The following CDYL2 variants were observed in gnomAD, a reference collection of about 807,000 sequenced individuals.
CDYL2 encodes chromodomain Y like 2.
A neutral mutation model predicts 49.4 loss-of-function variants in CDYL2; 23 were observed. That is an observed-to-expected ratio of 0.47 (90% confidence interval 0.34 to 0.66). The LOEUF (loss-of-function observed/expected upper bound fraction) is 0.66, where lower values mean the gene tolerates loss of function less well. CDYL2 is among the 30% of genes least tolerant of loss of function. The pLI is 0.01. For synonymous variants in CDYL2, 360 were observed against 268.8 expected (o/e 1.34, Z -3.32); for missense variants, 678 against 656.4 (o/e 1.03, Z -0.36).
chr16:80,765,587 G>A (rs1456461682), intron 1 of CDYL2, among the ~76,000 whole-genome samples: 3 of 151,842 alleles, frequency 2.0e-5, no homozygotes. Flanking sequence ...AATGAAAGCC[G>A]ATCTGCACGC....
At chr16:80,734,999 T>C (rs1020192834) in intron 1 of CDYL2, 2 of 152,204 alleles carry the variant, frequency 1.3e-5, no homozygotes, top group African/African-American at 2.4e-5. Flanking sequence ...ATCAATTCCA[T>C]GAAGGTGCCC....
intron 1 of CDYL2, among the ~76,000 whole-genome samples, chr16:80,702,111 C>A (rs1319749432): frequency 1.3e-5 from 2 of 151,836 alleles, no homozygotes; most frequent in African/African-American, 4.8e-5. Flanking sequence ...CCCCACTTCA[C>A]AGTAGAGGAA....
At chr16:80,750,695 A>G (rs1391914445) in intron 1 of CDYL2, among the ~76,000 whole-genome samples, 1 of 152,196 alleles carries the variant, frequency 6.6e-6, no homozygotes, top group East Asian at 1.9e-4. Context: ...ATGAAGGGAG[A>G]GAGAGTACTA....
At chr16:80,733,900 G>T (rs547256491) in intron 1 of CDYL2, among the ~76,000 whole-genome samples, 131 of 152,096 alleles carry the variant, frequency 8.6e-4, no homozygotes, top group Non-Finnish European at 1.5e-3. Context: ...TTGTCTTTTT[G>T]CCCTCTTAAA....
At chr16:80,777,827 C>G (rs1282781325) in intron 1 of CDYL2, among the ~76,000 whole-genome samples, 1 of 151,930 alleles carries the variant, frequency 6.6e-6, no homozygotes, top group Non-Finnish European at 1.5e-5. Context: ...AAAAATTAAT[C>G]AATTAATCTC....
At chr16:80,662,551 C>T (rs761627453) in intron 2 of CDYL2, among the ~76,000 whole-genome samples, 1 of 152,132 alleles carries the variant, frequency 6.6e-6, no homozygotes, top group Non-Finnish European at 1.5e-5. Flanking sequence ...TCACCAGATG[C>T]TTAGCACCTG....
intron 2 of CDYL2, among the ~76,000 whole-genome samples, chr16:80,639,100 T>C (rs1383788698): frequency 1.3e-5 from 2 of 152,146 alleles, no homozygotes; most frequent in East Asian, 3.9e-4. Flanking sequence ...TGAAATGACA[T>C]TCACCATCAT....
chr16:80,729,324 T>G (rs1175007617), intron 1 of CDYL2, among the ~76,000 whole-genome samples: 2 of 151,736 alleles, frequency 1.3e-5, no homozygotes, highest in African/African-American at 4.8e-5. Flanking sequence ...AAACAGACTT[T>G]AAACCAACAA....
At chr16:80,760,531 T>C (rs527374241) in intron 1 of CDYL2, among the ~76,000 whole-genome samples, 1 of 152,240 alleles carries the variant, frequency 6.6e-6, no homozygotes, top group Admixed American at 6.5e-5. Context: ...AGGGAATGGA[T>C]TCCCCATTGT....
intron 2 of CDYL2, among the ~76,000 whole-genome samples, chr16:80,655,783 G>C (rs1213756153): frequency 6.6e-6 from 1 of 152,130 alleles, no homozygotes; most frequent in East Asian, 1.9e-4. Context: ...GCTGAAACGG[G>C]CCTTCTCTCC....
intron 6 of CDYL2, among the ~76,000 whole-genome samples, chr16:80,605,388 T>G (rs888153252): frequency 2.2e-4 from 33 of 148,268 alleles, no homozygotes; most frequent in African/African-American, 7.6e-4. Flanking sequence ...TAATTATGTA[T>G]ATGTATTATA....
Position 80,703,700 on chromosome 16 carries a change from T to C in CDYL2, c.25-18571A>G, listed in dbSNP as rs191700240. ...CAGCCCCTCCCAGAACCGCACCTGG[T>C]GGTCAGGGGCTTCTCCACGGCTATT... On this transcript the variant is annotated intron_variant, in intron 1 of 6. Coordinates refer to ENST00000570137, the MANE Select transcript of CDYL2 (RefSeq NM_152342.4). 1.8e-3 allele frequency among the ~76,000 whole-genome samples: 275 copies of C among 152,230 alleles called. 2 individuals carry two copies. Among genetic ancestry groups the C allele is most frequent in the Admixed American group, 2.4e-3 (37 of 15,302 alleles).
At chr16:80,775,464 T>C (rs1453611456) in intron 1 of CDYL2, among the ~76,000 whole-genome samples, 1 of 151,900 alleles carries the variant, frequency 6.6e-6, no homozygotes. Context: ...GGGTGGGTTG[T>C]AACAATTAAT....
At chr16:80,732,788 C>A (rs1905376103) in intron 1 of CDYL2, among the ~76,000 whole-genome samples, 1 of 152,152 alleles carries the variant, frequency 6.6e-6, no homozygotes, top group South Asian at 2.1e-4. Flanking sequence ...CCTTTTATTC[C>A]AATTGTTACC....
intron 1 of CDYL2, among the ~76,000 whole-genome samples, chr16:80,692,007 A>G (rs954513924): frequency 4.6e-4 from 70 of 152,326 alleles, no homozygotes; most frequent in African/African-American, 1.5e-3. Context: ...GCAGGAAAAA[A>G]GGACACAGAA....
chr16:80,746,625 C>A (rs376956724), intron 1 of CDYL2, among the ~76,000 whole-genome samples: 68 of 152,210 alleles, frequency 4.5e-4, no homozygotes, highest in Non-Finnish European at 8.1e-4. Context: ...ACAGCCCAGG[C>A]GGGATCTTCC....
intron 2 of CDYL2, chr16:80,639,883 C>T (rs1908005606): frequency 2.8e-6 from 1 of 359,712 alleles, no homozygotes; most frequent in Admixed American, 3.5e-5. Context: ...GCATACCAAA[C>T]TCAGCTGACG....
At chr16:80,741,619 T>C (rs1222627498) in intron 1 of CDYL2, among the ~76,000 whole-genome samples, 1 of 151,988 alleles carries the variant, frequency 6.6e-6, no homozygotes, top group Non-Finnish European at 1.5e-5. Context: ...ATAGATGATA[T>C]CTAAATAAAA....
chr16:80,719,847 G>A (rs946168033), intron 1 of CDYL2, among the ~76,000 whole-genome samples: 1 of 152,168 alleles, frequency 6.6e-6, no homozygotes, highest in African/African-American at 2.4e-5. Flanking sequence ...GCCCAAGAGG[G>A]TACCAAAGAC....
Sources: gnomAD v4.1 joint callset for allele counts (sites outside exome capture counted in the v4.1 genomes callset) on GRCh38, gnomAD v4.1.1 for gene constraint, MANE v1.5 for transcripts, NCBI Gene and HGNC (gene_info 2026-07-23, HGNC 2026-07-21) for gene names.